The following COG5 variants were observed in gnomAD, a reference collection of about 807,000 sequenced individuals.
COG5 encodes the protein component of oligomeric golgi complex 5.
In COG5, 86 loss-of-function variants were observed where a neutral mutation model predicts 110.4. That is an observed-to-expected ratio of 0.78 (90% CI 0.65 to 0.93). The LOEUF is 0.93. COG5 is among the 40% of genes least tolerant of loss of function. COG5 has a pLI of 0.00. For synonymous variants in COG5, 360 were observed against 334.6 expected (o/e 1.08, Z -0.83); for missense variants, 1,077 against 987.0 (o/e 1.09, Z -1.22).
intron 1 of COG5, among the ~76,000 whole-genome samples, chr7:107,560,829 T>C (rs182456261): frequency 3.7e-4 from 56 of 152,164 alleles, no homozygotes; most frequent in Non-Finnish European, 4.1e-4. Flanking sequence ...AAAATTAAGA[T>C]AGAAATGTCC....
intron 12 of COG5, among the ~76,000 whole-genome samples, chr7:107,292,612 G>A (rs1806268524): frequency 1.3e-5 from 2 of 152,180 alleles, no homozygotes; most frequent in African/African-American, 4.8e-5. Flanking sequence ...GATAACGAAG[G>A]AATTCTTAAC....
At chr7:107,464,554 T>C (rs1446218535) in intron 6 of COG5, among the ~76,000 whole-genome samples, 1 of 152,130 alleles carries the variant, frequency 6.6e-6, no homozygotes, top group Admixed American at 6.6e-5. Context: ...AACCAGCCCA[T>C]AAGAGCCCTG....
intron 6 of COG5, among the ~76,000 whole-genome samples, 188 bp from the exon 7 acceptor site, chr7:107,412,820 G>A (rs1010148340): frequency 1.3e-5 from 2 of 151,988 alleles, no homozygotes; most frequent in Non-Finnish European, 2.9e-5. Context: ...ATTTATGCTG[G>A]AGTTAAATGC....
chr7:107,533,354 G>A (rs1801347041), intron 5 of COG5, among the ~76,000 whole-genome samples: 1 of 151,486 alleles, frequency 6.6e-6, no homozygotes, highest in Non-Finnish European at 1.5e-5. Context: ...CAGAAGGCGG[G>A]TAATAACAAA....
intron 6 of COG5, among the ~76,000 whole-genome samples, chr7:107,425,100 C>T (rs1173741499): frequency 6.6e-6 from 1 of 152,030 alleles, no homozygotes; most frequent in Non-Finnish European, 1.5e-5. Flanking sequence ...CCATCCATCC[C>T]CCACTTTTTT....
At chr7:107,408,747 G>C (rs757939393) in intron 7 of COG5, among the ~76,000 whole-genome samples, 16 of 152,136 alleles carry the variant, frequency 1.1e-4, no homozygotes, top group Non-Finnish European at 2.4e-4. Context: ...CTATTTTGCT[G>C]ATCTAGATCT....
chr7:107,364,507 T>C (rs1342348712), intron 8 of COG5, among the ~76,000 whole-genome samples: 1 of 152,174 alleles, frequency 6.6e-6, no homozygotes, highest in Admixed American at 6.5e-5. Context: ...TTTTCTTGTA[T>C]ATAACACACA....
At chr7:107,554,962 A>G (rs929005685) in intron 2 of COG5, among the ~76,000 whole-genome samples, 3 of 152,196 alleles carry the variant, frequency 2.0e-5, no homozygotes, top group Non-Finnish European at 2.9e-5. Flanking sequence ...AAAATGTAAA[A>G]AACAGCTCAT....
chr7:107,544,195 A>T (rs952100864), intron 5 of COG5, among the ~76,000 whole-genome samples: 9 of 151,890 alleles, frequency 5.9e-5, no homozygotes, highest in African/African-American at 2.2e-4. Flanking sequence ...ACCAGGCCTG[A>T]CTCACAGACT....
chr7:107,475,300 A>G, intron 6 of COG5: 2 of 1,591,932 alleles, frequency 1.3e-6, no homozygotes, highest in Non-Finnish European at 1.7e-6. Context: ...AAACAAAAAA[A>G]TTACCTTTGA....
chr7:107,551,088 G>T (rs1048085794), intron 3 of COG5, among the ~76,000 whole-genome samples: 2 of 152,060 alleles, frequency 1.3e-5, no homozygotes, highest in Non-Finnish European at 2.9e-5. Context: ...TGTCGCCCAG[G>T]CTGGAGTGTA....
chr7:107,462,389 T>G (rs1349776231), intron 6 of COG5, among the ~76,000 whole-genome samples: 3 of 152,124 alleles, frequency 2.0e-5, no homozygotes, highest in Non-Finnish European at 4.4e-5. Context: ...AGACTGAGTG[T>G]ATGGTGAAAG....
intron 6 of COG5, among the ~76,000 whole-genome samples, chr7:107,496,586 G>C (rs1295822942): frequency 1.3e-5 from 2 of 149,912 alleles, no homozygotes; most frequent in African/African-American, 4.9e-5. Context: ...CTTGAACCCA[G>C]AAGGCAGAGG....
rs184872899 is a variant in COG5, at chr7:107,444,294, A to G, written c.539-31662T>C. 1.3e-3 allele frequency among the ~76,000 whole-genome samples: 192 copies of G among 152,344 alleles called. 2 individuals carry two copies. Among genetic ancestry groups the G allele is most frequent in the African/African-American group, 4.4e-3 (183 of 41,590 alleles). ...GAACAGCAAATTAATCATATAATTT[A>G]TTTTTACAATAGAGTCTAAATTATT... On this transcript the variant is annotated intron_variant, in intron 6 of 21. Transcript: ENST00000297135.
intron 19 of COG5, among the ~76,000 whole-genome samples, chr7:107,224,229 G>A (rs947492034): frequency 2.0e-5 from 3 of 152,196 alleles, no homozygotes; most frequent in African/African-American, 7.2e-5. Context: ...AAAAATGGAA[G>A]CTGCAGAGAC....
intron 18 of COG5, among the ~76,000 whole-genome samples, chr7:107,235,363 C>T (rs1274082038): frequency 6.6e-6 from 1 of 152,218 alleles, no homozygotes; most frequent in African/African-American, 2.4e-5. Flanking sequence ...GAATTCATTT[C>T]AGTAACTATT....
intron 5 of COG5, among the ~76,000 whole-genome samples, chr7:107,535,386 T>C (rs1801512042): frequency 6.6e-6 from 1 of 151,602 alleles, no homozygotes; most frequent in Non-Finnish European, 1.5e-5. Flanking sequence ...GAGCTAGTTT[T>C]TTGAAAAGAC....
At chr7:107,287,995 C>G (rs1327817673) in intron 12 of COG5, among the ~76,000 whole-genome samples, 1 of 152,130 alleles carries the variant, frequency 6.6e-6, no homozygotes, top group Non-Finnish European at 1.5e-5. Flanking sequence ...CAAATGTCTA[C>G]GTGAACATAT....
chr7:107,320,810 TA>T (rs1258083657), intron 11 of COG5, among the ~76,000 whole-genome samples: 2 of 152,158 alleles, frequency 1.3e-5, no homozygotes, highest in Admixed American at 6.5e-5. Flanking sequence ...AAGGAGATGA[TA>T]ATGCTTAAGA....
Sources: gnomAD v4.1 joint callset for allele counts (sites outside exome capture counted in the v4.1 genomes callset) on GRCh38, gnomAD v4.1.1 for gene constraint, MANE v1.5 for transcripts, NCBI Gene and HGNC (gene_info 2026-07-23, HGNC 2026-07-21) for gene names.